ZNF385D: variants seen among roughly 807,000 people sequenced by gnomAD.
ZNF385D encodes the protein zinc finger protein 385D.
In ZNF385D, 15 loss-of-function variants were observed where a neutral mutation model predicts 35.8. The observed-to-expected ratio is 0.42, with a 90% CI of 0.28 to 0.64. The LOEUF (loss-of-function observed/expected upper bound fraction) is 0.64, where lower values mean the gene tolerates loss of function less well. ZNF385D is among the 30% of genes least tolerant of loss of function. The pLI, the probability that ZNF385D is intolerant of heterozygous loss-of-function variation, is 0.23. For missense variants in ZNF385D, 474 were observed against 494.6 expected, an observed-to-expected ratio of 0.96 and a Z score of 0.39; for synonymous variants, 212 against 186.8, an observed-to-expected ratio of 1.13 and a Z score of -1.10.
chr3:22,120,395 C>G (rs957738416), intron 3 of ZNF385D, among the ~76,000 whole-genome samples: 3 of 152,038 alleles, frequency 2.0e-5, no homozygotes, highest in Non-Finnish European at 4.4e-5. Context: ...TATGAGGACA[C>G]CAGTCATGTT....
intron 2 of ZNF385D, among the ~76,000 whole-genome samples, chr3:22,170,682 G>T (rs1469479624): frequency 6.6e-6 from 1 of 151,876 alleles, no homozygotes; most frequent in Non-Finnish European, 1.5e-5. Context: ...TTTAATCAAA[G>T]GAAAATATGT....
intron 4 of ZNF385D, among the ~76,000 whole-genome samples, chr3:21,474,223 C>G (rs902345492): frequency 5.3e-5 from 8 of 151,882 alleles, no homozygotes; most frequent in African/African-American, 1.9e-4. Flanking sequence ...CGTAGGGAAA[C>G]CTAAAGGAAT....
chr3:22,022,176 G>T (rs1191101530), intron 3 of ZNF385D, among the ~76,000 whole-genome samples: 1 of 152,078 alleles, frequency 6.6e-6, no homozygotes, highest in Middle Eastern at 3.4e-3. Flanking sequence ...AATCTCAGAA[G>T]GTTACTGTAA....
chr3:22,366,745 A>G lies in ZNF385D; in HGVS notation c.106+5705T>C, dbSNP rs549982947. On this transcript the variant is annotated intron_variant, in intron 2 of 5. Transcript: ENST00000494108. ...ACCTTATTTGGAAAAAGGGTTTTTC[A>G]TATGTTATTACATTAAGGATTTTTA... Among the ~76,000 whole-genome samples the G allele has an allele frequency of 4.7e-4, 71 of 152,336 alleles. No individual in the cohort carries two copies. In the Middle Eastern group the frequency reaches 0.017, roughly 36 times the overall value.
At chr3:21,471,293 T>TCACACA (rs1488202080) in intron 4 of ZNF385D, among the ~76,000 whole-genome samples, 2 of 29,960 alleles carry the variant, frequency 6.7e-5, no homozygotes, top group African/African-American at 1.6e-4. Context: ...TCTCTCTCTC[T>TCACACA]CTCACACACA....
chr3:21,872,379 G>C lies in ZNF385D; in HGVS notation c.326-207351C>G, dbSNP rs150329849. 3.2e-4 allele frequency among the ~76,000 whole-genome samples: 49 copies of C among 152,180 alleles called. No homozygotes were observed. In the Middle Eastern group the frequency reaches 0.014, roughly 42 times the overall value. On this transcript the variant is annotated intron_variant, in intron 3 of 5. Transcript: ENST00000494108. Reference sequence around the variant, plus strand: ...CTTTTCTATTATTCTTATATTCCTAGCACTATGCATAACTGGAACTCCATA... The same window carrying C: ...CTTTTCTATTATTCTTATATTCCTACCACTATGCATAACTGGAACTCCATA...
chr3:22,007,065 A>C (rs758776768), intron 3 of ZNF385D, among the ~76,000 whole-genome samples: 1 of 152,136 alleles, frequency 6.6e-6, no homozygotes, highest in Admixed American at 6.5e-5. Context: ...TCACTTATTA[A>C]TATTTTTGAA....
intron 3 of ZNF385D, among the ~76,000 whole-genome samples, chr3:21,929,838 T>A (rs1353640895): frequency 6.6e-6 from 1 of 152,016 alleles, no homozygotes; most frequent in Non-Finnish European, 1.5e-5. Flanking sequence ...GCGTTCACCA[T>A]TTTGAAGGCT....
rs1009541365 is a variant in ZNF385D, at chr3:21,751,206, G to A, written c.-290C>T. 5 of 1,338,960 alleles carry A rather than the reference G, an allele frequency of 3.7e-6. No individual in the cohort carries two copies. The Admixed American group carries it at 1.3e-4, about 35-fold the overall frequency. The allele number at this position is 1,338,960 out of a possible 1,614,324, so 82.9% of individuals were successfully genotyped here. On this transcript the variant is annotated 5_prime_UTR_variant, in exon 1 of 8. Coordinates refer to ENST00000281523, the MANE Select transcript of ZNF385D (RefSeq NM_024697.3). The stretch of plus-strand genomic sequence containing the variant: ...TGTCCTTGCCGCGCCTGTGACATCA[G>A]GACTGAGAGTACTACAAGCAGACCC...
intron 4 of ZNF385D, among the ~76,000 whole-genome samples, chr3:21,462,704 A>G (rs1486299804): frequency 1.3e-5 from 2 of 152,236 alleles, no homozygotes; most frequent in African/African-American, 2.4e-5. Flanking sequence ...AACATTGGCC[A>G]GGCACGGTGG....
chr3:21,440,433 C>T (rs1701801176), intron 4 of ZNF385D, among the ~76,000 whole-genome samples: 1 of 152,168 alleles, frequency 6.6e-6, no homozygotes, highest in African/African-American at 2.4e-5. Flanking sequence ...ACTAGCAAGG[C>T]TATCAAAACA....
chr3:22,290,067 T>C (rs998291746), intron 2 of ZNF385D, among the ~76,000 whole-genome samples: 4 of 152,280 alleles, frequency 2.6e-5, no homozygotes, highest in Non-Finnish European at 2.9e-5. Flanking sequence ...ATAGAACTGC[T>C]ACATTGTTTT....
At chr3:22,202,509 G>C (rs541020747) in intron 2 of ZNF385D, among the ~76,000 whole-genome samples, 1 of 152,074 alleles carries the variant, frequency 6.6e-6, no homozygotes, top group Non-Finnish European at 1.5e-5. Flanking sequence ...CCAAATGGAA[G>C]CTTCTACTGA....
At chr3:21,979,752 G>A (rs952646863) in intron 3 of ZNF385D, 1 of 152,156 alleles carries the variant, frequency 6.6e-6, no homozygotes, top group Non-Finnish European at 1.5e-5. Flanking sequence ...ATGAAGAGGA[G>A]ATAAGTAGAG....
intron 2 of ZNF385D, among the ~76,000 whole-genome samples, chr3:22,184,119 T>C (rs1695469385): frequency 1.3e-5 from 2 of 152,264 alleles, no homozygotes; most frequent in African/African-American, 2.4e-5. Flanking sequence ...ATTATCAAAG[T>C]GTGCTGACTG....
chr3:21,446,487 C>CTT (rs71044918), intron 4 of ZNF385D, among the ~76,000 whole-genome samples: 2,132 of 91,740 alleles, frequency 0.023, 260 homozygotes, highest in African/African-American at 0.043. Flanking sequence ...AATCAATGAA[C>CTT]TTTTTTTTTT....
intron 3 of ZNF385D, among the ~76,000 whole-genome samples, chr3:22,036,840 C>G (rs558141173): frequency 2.7e-5 from 4 of 149,240 alleles, no homozygotes; most frequent in Non-Finnish European, 4.4e-5. Flanking sequence ...TTAGGTATAT[C>G]TCCTAATGCT....
At chr3:21,966,331 T>C (rs568874614) in intron 3 of ZNF385D, among the ~76,000 whole-genome samples, 1 of 152,274 alleles carries the variant, frequency 6.6e-6, no homozygotes, top group East Asian at 1.9e-4. Context: ...AAAAAGCATG[T>C]AGACATTTTA....
intron 3 of ZNF385D, among the ~76,000 whole-genome samples, chr3:21,867,866 A>T (rs1426728293): frequency 6.6e-6 from 1 of 152,094 alleles, no homozygotes; most frequent in Non-Finnish European, 1.5e-5. Context: ...ACTCTTGAAC[A>T]CTTAAAATGT....
Sources: gnomAD v4.1 joint callset for allele counts (sites outside exome capture counted in the v4.1 genomes callset) on GRCh38, gnomAD v4.1.1 for gene constraint, MANE v1.5 for transcripts, NCBI Gene and HGNC (gene_info 2026-07-23, HGNC 2026-07-21) for gene names.